OTOGL: variants seen among roughly 807,000 people sequenced by gnomAD.
OTOGL encodes otogelin like, also known as otogelin-like protein.
In OTOGL, 285 loss-of-function variants were observed where a neutral mutation model predicts 318.5. The observed-to-expected ratio is 0.89, with a 90% CI of 0.81 to 0.99. The LOEUF (loss-of-function observed/expected upper bound fraction) is 0.99. Ranked by LOEUF, OTOGL falls within the 50% of genes least tolerant of loss-of-function variation. The probability of loss-of-function intolerance (pLI) is 0.00; values close to 1 mark genes in which losing one functional copy is unlikely to be tolerated. For synonymous variants in OTOGL, 987 were observed against 936.5 expected, an observed-to-expected ratio of 1.05 and a Z score of -0.99; for missense variants, 2,899 against 2,845.6, an observed-to-expected ratio of 1.02 and a Z score of -0.43.
chr12:80,311,122 GA>G (rs1886608750), intron 30 of OTOGL, among the ~76,000 whole-genome samples: 1 of 152,174 alleles, frequency 6.6e-6, no homozygotes, highest in African/African-American at 2.4e-5. Flanking sequence ...AATGTTTTTA[GA>G]AGCACATCCC....
chr12:80,126,389 A>G (rs1289322047), intron 1 of OTOGL, among the ~76,000 whole-genome samples: 1 of 152,090 alleles, frequency 6.6e-6, no homozygotes, highest in Admixed American at 6.5e-5. Flanking sequence ...GTTTGATTGC[A>G]CTGTGGTCTA....
rs34021968 is a variant in OTOGL, at chr12:80,220,612, CTT to C, written c.334+715_334+716del. On this transcript the variant is annotated intron_variant, in intron 6 of 58. Coordinates refer to ENST00000547103, the MANE Select transcript of OTOGL (RefSeq NM_001378609.3). ...ACTGAGACTTCTTCGAGGGCAAGGG[CTT>C]TTTTTTTTTTTTTTAAATCTTTTAT... 7.4e-3 allele frequency among the ~76,000 whole-genome samples: 880 copies of C among 118,906 alleles called. 41 individuals carry two copies. The highest frequency in any genetic ancestry group is 9.4e-3 in the Non-Finnish European group (528 of 55,902). The allele number at this position is 118,906 out of a possible 152,430, so 78.0% of individuals were successfully genotyped here. A position where few individuals can be genotyped will look rare whatever the true frequency, so the allele number is the denominator to read the frequency against.
chr12:80,258,634 C>T (rs1309315595), intron 18 of OTOGL, among the ~76,000 whole-genome samples: 6 of 152,112 alleles, frequency 3.9e-5, no homozygotes, highest in Admixed American at 3.9e-4. Context: ...CACTTGTTAT[C>T]ATGCTAAAAG....
intron 56 of OTOGL, among the ~76,000 whole-genome samples, chr12:80,371,304 T>C (rs1211838587): frequency 6.6e-6 from 1 of 152,138 alleles, no homozygotes; most frequent in East Asian, 1.9e-4. Flanking sequence ...TAGGCTTTGT[T>C]CCGTTGTATA....
At chr12:80,278,396 T>C (rs1052382463) in intron 25 of OTOGL, 121 bp downstream of exon 25, 2 of 768,500 alleles carry the variant, frequency 2.6e-6, no homozygotes, top group African/African-American at 3.5e-5. Context: ...AGCAAATAAT[T>C]TAAAGGCCTG....
In OTOGL at chr12:80,339,196, T is replaced by C. The variant is rs774400137; in HGVS notation, c.4982T>C (p.Leu1661Pro). Residue 1661 changes from leucine to proline, a missense_variant, in exon 43 of 59, where the codon CTT (leucine) becomes CCT (proline). By Grantham distance (98) the Leu-to-Pro change is moderately conservative. Around this residue, in one of 3 missense-constraint regions of OTOGL, gnomAD observed 2,607 missense variants for 2,524.9 expected, o/e 1.03. Transcript: ENST00000547103. ...GGACTAATCATAAAGTGGTCTCATC[T>C]TACAGGAATCATAGACATTCATTTT... ...PAGLIIKWSHLTGIIDIHFGF... is the reference protein window; with the variant it reads ...PAGLIIKWSHPTGIIDIHFGF... 1.9e-6 allele frequency: 3 copies of C among 1,612,508 alleles called. No individual in the cohort carries two copies. The highest frequency in any genetic ancestry group is 2.7e-5 in the African/African-American group (2 of 74,950).
At chr12:80,160,670 T>C (rs376021546) in intron 1 of OTOGL, among the ~76,000 whole-genome samples, 1 of 152,142 alleles carries the variant, frequency 6.6e-6, no homozygotes, top group East Asian at 1.9e-4. Context: ...TGAAAAACCG[T>C]GTGGAGATTC....
intron 1 of OTOGL, among the ~76,000 whole-genome samples, chr12:80,129,194 C>T (rs988113837): frequency 1.3e-5 from 2 of 152,128 alleles, no homozygotes; most frequent in Non-Finnish European, 2.9e-5. Flanking sequence ...CCCACCTGCA[C>T]TCTGGATTTT....
intron 22 of OTOGL, among the ~76,000 whole-genome samples, chr12:80,269,483 G>A (rs1883241881): frequency 6.6e-6 from 1 of 152,090 alleles, no homozygotes; most frequent in African/African-American, 2.4e-5. Context: ...CTCACCTCAG[G>A]GGTAAAATCT....
chr12:80,193,998 G>A lies in OTOGL; in HGVS notation c.-19-15415G>A, dbSNP rs535406315. Among the ~76,000 whole-genome samples the A allele has an allele frequency of 2.6e-5, 4 of 152,282 alleles. No homozygotes were observed. In the East Asian group the frequency reaches 7.7e-4, roughly 29 times the overall value. On this transcript the variant is annotated intron_variant, in intron 1 of 58. Coordinates refer to ENST00000547103, the MANE Select transcript of OTOGL (RefSeq NM_001378609.3). Reference sequence around the variant, plus strand: ...GATGGCACAGAACAAAATTGGATAAGCAGTGTAGTGGACCTTTGTTGTTTT... The same window carrying A: ...GATGGCACAGAACAAAATTGGATAAACAGTGTAGTGGACCTTTGTTGTTTT...
chr12:80,178,498 T>C (rs558919335), intron 1 of OTOGL, among the ~76,000 whole-genome samples: 1 of 152,330 alleles, frequency 6.6e-6, no homozygotes, highest in South Asian at 2.1e-4. Context: ...CTCTATTTTT[T>C]AGTACTTTTC....
intron 11 of OTOGL, among the ~76,000 whole-genome samples, chr12:80,251,212 G>A (rs542392169): frequency 6.6e-6 from 1 of 152,098 alleles, no homozygotes; most frequent in Non-Finnish European, 1.5e-5. Flanking sequence ...TAGATTATTG[G>A]TATTGGTTTT....
intron 44 of OTOGL, chr12:80,343,431 T>C (rs1888911495): frequency 1.3e-5 from 2 of 151,822 alleles, no homozygotes; most frequent in South Asian, 4.2e-4. Flanking sequence ...GCAAGGTAAA[T>C]GCTATATGAA....
At chr12:80,295,377 A>T (rs1885323147) in intron 26 of OTOGL, among the ~76,000 whole-genome samples, 1 of 152,004 alleles carries the variant, frequency 6.6e-6, no homozygotes, top group African/African-American at 2.4e-5. Context: ...GGGTTTTGCC[A>T]TGTTGGCCAG....
At chr12:80,266,670 A>G (rs1883000002) in intron 21 of OTOGL, 54 bp downstream of exon 21, 8 of 1,517,752 alleles carry the variant, frequency 5.3e-6, no homozygotes, top group Non-Finnish European at 4.5e-6. Flanking sequence ...TTTTCTCCTT[A>G]CGGGCTAAAT....
At chr12:80,219,948 A>C (rs1352374790) in intron 6 of OTOGL, 36 bp downstream of exon 6, 11 of 1,430,310 alleles carry the variant, frequency 7.7e-6, no homozygotes, top group Non-Finnish European at 1.1e-5. Context: ...TAATTATGAG[A>C]TACCAAGGAG....
chr12:80,106,051 C>G (rs1274850305), intron 1 of OTOGL, among the ~76,000 whole-genome samples: 1 of 152,202 alleles, frequency 6.6e-6, no homozygotes, highest in African/African-American at 2.4e-5. Context: ...ATTCCAAGAT[C>G]TACAAGGATG....
At chr12:80,280,121 G>A (rs577200209) in intron 26 of OTOGL, among the ~76,000 whole-genome samples, 4 of 151,790 alleles carry the variant, frequency 2.6e-5, no homozygotes, top group Admixed American at 6.6e-5. Flanking sequence ...GTCTGTTCAT[G>A]TCCTTTGCCC....
Position 80,222,967 on chromosome 12 carries a change from G to A in OTOGL, c.489+722G>A, listed in dbSNP as rs1416721677. On this transcript the variant is annotated intron_variant, in intron 7 of 58. Transcript: ENST00000547103. ...TGTTTGGTTACATGTTGATTTCTGA[G>A]ATTTTAGTCCACTATCCCCTGAGCA... Among the ~76,000 whole-genome samples, 3 of 122,870 alleles carry A rather than the reference G, an allele frequency of 2.4e-5. No individual in the cohort carries two copies. In the East Asian group the frequency reaches 5.8e-4, roughly 24 times the overall value. 80.6% of individuals were successfully genotyped at this position (122,870 alleles called of 152,430 possible). A position where few individuals can be genotyped will look rare whatever the true frequency, so the allele number is the denominator to read the frequency against.
Sources: gnomAD v4.1 joint callset for allele counts (sites outside exome capture counted in the v4.1 genomes callset) on GRCh38, gnomAD v4.1.1 for gene constraint, gnomAD v4.1.1 regional missense constraint, MANE v1.5 for transcripts, NCBI Gene and HGNC (gene_info 2026-07-23, HGNC 2026-07-21) for gene names.